The following PRDM10 variants were observed in gnomAD, a reference collection of about 807,000 sequenced individuals.
The protein encoded by PRDM10 is PR/SET domain 10, also known as PR domain zinc finger protein 10.
A neutral mutation model predicts 133.1 loss-of-function variants in PRDM10; 65 were observed. The ratio of observed to expected loss-of-function variants is 0.49; its 90% CI spans 0.40 to 0.60. The LOEUF (loss-of-function observed/expected upper bound fraction) is 0.60. PRDM10 is among the 20% of genes least tolerant of loss of function. The pLI, the probability that PRDM10 is intolerant of heterozygous loss-of-function variation, is 0.00. For synonymous variants in PRDM10, 582 were observed against 580.4 expected (o/e 1.00, Z -0.04); for missense variants, 1,137 against 1,507.1 (o/e 0.75, Z 4.07).
In PRDM10 at chr11:129,912,229, G is replaced by C; in HGVS notation, c.2842-4C>G. Reference sequence around the variant, plus strand: ...GTGACTGGTGAGGGGAAGTGGCCTGGAAGGAGAAAAAACAGGCCCAGAAAC... The same window carrying C: ...GTGACTGGTGAGGGGAAGTGGCCTGCAAGGAGAAAAAACAGGCCCAGAAAC... On this transcript the variant is annotated splice_polypyrimidine_tract_variant and splice_region_variant and intron_variant, in intron 17 of 20. Coordinates refer to ENST00000360871, the MANE Select transcript of PRDM10 (RefSeq NM_199437.2). 1.3e-6 allele frequency: 2 copies of C among 1,549,916 alleles called. No homozygotes were observed. The highest frequency in any genetic ancestry group is 1.7e-6 in the Non-Finnish European group (2 of 1,143,330).
rs149781245 is a variant in PRDM10, at chr11:129,938,818, C to T, written c.967-1148G>A. On this transcript the variant is annotated intron_variant, in intron 7 of 20. Transcript: ENST00000360871. The stretch of plus-strand genomic sequence containing the variant: ...AATGTTTGTGATAATCTCCAAAGGG[C>T]TCCACAATCTCCCCAACCTGGAAAA... Among the ~76,000 whole-genome samples the T allele has an allele frequency of 3.0e-3, 458 of 152,326 alleles. 1 individual carries two copies. The highest frequency in any genetic ancestry group is 0.01 in the African/African-American group (426 of 41,566).
chr11:129,935,577 T>A (rs1951003751), intron 8 of PRDM10, among the ~76,000 whole-genome samples: 1 of 152,160 alleles, frequency 6.6e-6, no homozygotes, highest in Admixed American at 6.5e-5. Context: ...TTTCCTAATC[T>A]GAGGGTATAT....
chr11:129,903,903 C>G (rs1312365918), intron 20 of PRDM10, among the ~76,000 whole-genome samples: 2 of 152,148 alleles, frequency 1.3e-5, no homozygotes, highest in African/African-American at 4.8e-5. Context: ...TGTGCACATA[C>G]ACTGTGGCAG....
intron 3 of PRDM10, among the ~76,000 whole-genome samples, chr11:129,955,822 G>A (rs12272636): frequency 3.3e-5 from 5 of 152,128 alleles, no homozygotes; most frequent in Non-Finnish European, 5.9e-5. Context: ...AATTTTACTC[G>A]TAAGCAAAGC....
At chr11:129,995,663 G>A (rs937121441) in intron 1 of PRDM10, among the ~76,000 whole-genome samples, 5 of 152,008 alleles carry the variant, frequency 3.3e-5, no homozygotes, top group African/African-American at 9.7e-5. Context: ...GCGGGGGAGA[G>A]GGGCAGGGGC....
At chr11:129,985,001 A>C (rs1204323251) in intron 1 of PRDM10, among the ~76,000 whole-genome samples, 1 of 152,196 alleles carries the variant, frequency 6.6e-6, no homozygotes, top group East Asian at 1.9e-4. Context: ...ACCGTCAGTT[A>C]GGCGAGTTCA....
intron 19 of PRDM10, among the ~76,000 whole-genome samples, chr11:129,910,267 C>T (rs1191401595): frequency 1.3e-5 from 2 of 152,194 alleles, no homozygotes; most frequent in Non-Finnish European, 1.5e-5. Flanking sequence ...ATATACCTGA[C>T]GTTTCGAAAA....
At chr11:129,983,216 G>T (rs1468430829) in intron 1 of PRDM10, among the ~76,000 whole-genome samples, 2 of 151,856 alleles carry the variant, frequency 1.3e-5, no homozygotes, top group African/African-American at 4.8e-5. Context: ...GATCTCTGGT[G>T]ATCCACCTGC....
chr11:129,957,692 G>C, intron 3 of PRDM10, 54 bp downstream of exon 3: 1 of 1,558,046 alleles, frequency 6.4e-7, no homozygotes, highest in Non-Finnish European at 8.7e-7. Flanking sequence ...GTAAACACAA[G>C]TAATTGGTTA....
In PRDM10 at chr11:129,944,783, G is replaced by A. The variant is rs143794224; in HGVS notation, c.750C>T (p.Tyr250=). ...GAGCATAAATTACCTTGAGGTGAAT[G>A]TAACAGTCTTTCAGCTCCGAGCCCC... ...LVRGSELKDC[Y]IHLKVSLDKG... Residue 250 remains tyrosine, a synonymous_variant, in exon 6 of 21, where the codon TAC becomes TAT. Coordinates refer to ENST00000360871, the MANE Select transcript of PRDM10 (RefSeq NM_199437.2). The A allele has an allele frequency of 2.5e-6, 4 of 1,613,776 alleles. No individual in the cohort carries two copies. Among genetic ancestry groups the A allele is most frequent in the South Asian group, 1.1e-5 (1 of 91,082 alleles).
chr11:129,920,961 C>T lies in PRDM10; in HGVS notation c.2035-2243G>A, dbSNP rs185646378. Among the ~76,000 whole-genome samples the T allele has an allele frequency of 9.9e-5, 15 of 152,222 alleles. No individual in the cohort carries two copies. In the East Asian group the frequency reaches 2.3e-3, roughly 24 times the overall value. On this transcript the variant is annotated intron_variant, in intron 13 of 20. Transcript: ENST00000360871. ...AACAGTCATGCACCACCACGCCTGG[C>T]TACTTTTATATTTTTAGTAGAGATG...
At chr11:129,978,181 G>C (rs913121535) in intron 1 of PRDM10, among the ~76,000 whole-genome samples, 2 of 152,106 alleles carry the variant, frequency 1.3e-5, no homozygotes, top group African/African-American at 4.8e-5. Context: ...GATAATGCTG[G>C]GACACTCCAG....
intron 1 of PRDM10, among the ~76,000 whole-genome samples, chr11:130,000,091 TGGAGTGCAATGGCC>T (rs1464338725): frequency 2.1e-4 from 32 of 150,660 alleles, no homozygotes; most frequent in African/African-American, 7.6e-4. Context: ...TTGCCCAGGC[TGGAGTGCAATGGCC>T]CGATCTCAGC....
chr11:130,001,619 A>G (rs532943139), intron 1 of PRDM10, among the ~76,000 whole-genome samples: 3 of 152,300 alleles, frequency 2.0e-5, no homozygotes, highest in Non-Finnish European at 2.9e-5. Flanking sequence ...CAACTCATCC[A>G]CCAAGCAAGG....
chr11:129,988,872 G>A (rs892076998), intron 1 of PRDM10, among the ~76,000 whole-genome samples: 8 of 140,384 alleles, frequency 5.7e-5, no homozygotes, highest in Middle Eastern at 3.6e-3. Flanking sequence ...CTCGTGATCC[G>A]CCCGCCTTGG....
chr11:129,912,554 G>A (rs539030511), intron 17 of PRDM10, among the ~76,000 whole-genome samples: 34 of 151,616 alleles, frequency 2.2e-4, no homozygotes, highest in East Asian at 9.8e-4. Flanking sequence ...GATCGAGACC[G>A]TCCTGGCTAA....
chr11:129,952,628 C>T (rs1280009358), intron 4 of PRDM10, among the ~76,000 whole-genome samples: 1 of 152,128 alleles, frequency 6.6e-6, no homozygotes, highest in Admixed American at 6.5e-5. Flanking sequence ...GTGATCTTCC[C>T]ACCTCAGCCT....
intron 1 of PRDM10, among the ~76,000 whole-genome samples, chr11:129,985,391 C>T (rs939888552): frequency 7.9e-5 from 12 of 151,994 alleles, no homozygotes; most frequent in Non-Finnish European, 1.3e-4. Flanking sequence ...TGATAGATGA[C>T]ATGATCTCGT....
intron 7 of PRDM10, among the ~76,000 whole-genome samples, chr11:129,938,412 C>T (rs539079815): frequency 3.9e-5 from 6 of 152,218 alleles, no homozygotes; most frequent in Non-Finnish European, 8.8e-5. Flanking sequence ...TGAATACCTT[C>T]CACCCAGTTG....
Sources: allele counts gnomAD v4.1 joint callset (sites outside exome capture counted in the v4.1 genomes callset), GRCh38; gene constraint gnomAD v4.1.1; transcripts MANE v1.5; gene names NCBI Gene and HGNC (gene_info 2026-07-23, HGNC 2026-07-21).